Variants in WWOX observed in about 807,000 individuals in gnomAD.
WWOX encodes WW domain containing oxidoreductase, also known as WW domain-containing oxidoreductase.
Under a neutral mutation model 46.2 loss-of-function variants are expected in WWOX, and 69 were observed. The ratio of observed to expected loss-of-function variants is 1.49; its 90% CI spans 1.23 to 1.82. The LOEUF (loss-of-function observed/expected upper bound fraction) is 1.82, where lower values mean the gene tolerates loss of function less well. WWOX is among the 40% of genes most tolerant of loss of function. The pLI is 0.00. For missense variants in WWOX, 919 were observed against 542.6 expected (o/e 1.69, Z -6.89); for synonymous variants, 359 against 202.6 (o/e 1.77, Z -6.56).
intron 8 of WWOX, among the ~76,000 whole-genome samples, chr16:78,651,008 T>C (rs2046954152): frequency 6.6e-6 from 1 of 152,246 alleles, no homozygotes; most frequent in South Asian, 2.1e-4. Flanking sequence ...TGATAGAGAT[T>C]TGGCTTTTCT....
rs2049524599 is a variant in WWOX, at chr16:78,753,011, AGGGCT to A, written c.1056+320264_1056+320268del. Among the ~76,000 whole-genome samples, 2 of 152,112 alleles carry A rather than the reference AGGGCT, an allele frequency of 1.3e-5. 1 individual carries two copies. The highest frequency in any genetic ancestry group is 4.2e-4 in the South Asian group (2 of 4,816). ...GAGGCAGTGATTTCAGTAATCTCTT[AGGGCT>A]GGGCACGGTAGCTCACGCCTATAAT... is the stretch of plus-strand genomic sequence containing the variant. On this transcript the variant is annotated intron_variant, in intron 8 of 8. Transcript: ENST00000566780.
chr16:78,646,039 A>T (rs757769430), intron 8 of WWOX, among the ~76,000 whole-genome samples: 1 of 151,452 alleles, frequency 6.6e-6, no homozygotes, highest in Non-Finnish European at 1.5e-5. Flanking sequence ...GACCTTTTAG[A>T]TCCTTTGTGA....
chr16:78,857,150 C>T (rs1432269085), intron 8 of WWOX, among the ~76,000 whole-genome samples: 2 of 152,176 alleles, frequency 1.3e-5, no homozygotes, highest in Non-Finnish European at 2.9e-5. Flanking sequence ...ATTTATCTCA[C>T]ATATGCAAAG....
chr16:78,415,841 C>A (rs921636828), intron 6 of WWOX, among the ~76,000 whole-genome samples: 5 of 152,222 alleles, frequency 3.3e-5, no homozygotes, highest in East Asian at 1.9e-4. Flanking sequence ...ACCACCTTAA[C>A]TACTGAGGGG....
At chr16:78,514,108 C>G (rs952263900) in intron 8 of WWOX, among the ~76,000 whole-genome samples, 4 of 152,120 alleles carry the variant, frequency 2.6e-5, no homozygotes, top group African/African-American at 9.7e-5. Context: ...AAATACTGCT[C>G]AAGCATTTAG....
intron 8 of WWOX, among the ~76,000 whole-genome samples, chr16:78,723,002 G>C (rs2048731067): frequency 1.3e-5 from 2 of 152,034 alleles, no homozygotes; most frequent in African/African-American, 4.8e-5. Flanking sequence ...TGATCACACT[G>C]GAGCACTCCA....
intron 4 of WWOX, among the ~76,000 whole-genome samples, chr16:78,140,050 C>T (rs1246708288): frequency 6.6e-6 from 1 of 152,144 alleles, no homozygotes; most frequent in Non-Finnish European, 1.5e-5. Context: ...TCCCATGCTG[C>T]AGAGTCAGAG....
chr16:78,342,234 G>A (rs2081029232), intron 5 of WWOX, among the ~76,000 whole-genome samples: 1 of 121,582 alleles, frequency 8.2e-6, no homozygotes, highest in South Asian at 2.5e-4. Flanking sequence ...ATAAGTGTCA[G>A]CTGCTACGAC....
intron 8 of WWOX, among the ~76,000 whole-genome samples, chr16:78,576,889 A>G (rs540109444): frequency 6.6e-6 from 1 of 152,308 alleles, no homozygotes; most frequent in East Asian, 1.9e-4. Context: ...TCTAAGGCTA[A>G]CATTTCTTTG....
intron 8 of WWOX, among the ~76,000 whole-genome samples, chr16:78,547,156 A>C (rs1161783069): frequency 7.4e-6 from 1 of 134,528 alleles, no homozygotes; most frequent in Non-Finnish European, 1.6e-5. Flanking sequence ...AAAAAAAAAA[A>C]AAACAACTAC....
intron 5 of WWOX, among the ~76,000 whole-genome samples, chr16:78,332,050 T>A (rs1461335647): frequency 1.3e-5 from 2 of 152,142 alleles, no homozygotes; most frequent in African/African-American, 4.8e-5. Flanking sequence ...GGAGTCTGAT[T>A]ACTGTTTCTC....
chr16:78,722,035 T>C (rs1003695512), intron 8 of WWOX, among the ~76,000 whole-genome samples: 1 of 152,264 alleles, frequency 6.6e-6, no homozygotes, highest in Non-Finnish European at 1.5e-5. Flanking sequence ...GTATTTTGCA[T>C]ATTAATACTT....
chr16:79,171,580 C>T (rs893078361), intron 8 of WWOX, among the ~76,000 whole-genome samples: 1 of 152,256 alleles, frequency 6.6e-6, no homozygotes. Flanking sequence ...GTGCTGATTT[C>T]ACAGTGGGCT....
intron 8 of WWOX, among the ~76,000 whole-genome samples, chr16:78,771,475 A>C (rs370219856): frequency 6.6e-6 from 1 of 152,196 alleles, no homozygotes; most frequent in Non-Finnish European, 1.5e-5. Context: ...TGTATCCTTA[A>C]AAATGCTTAA....
chr16:79,142,657 A>T (rs1423083138), intron 8 of WWOX, among the ~76,000 whole-genome samples: 1 of 152,132 alleles, frequency 6.6e-6, no homozygotes, highest in East Asian at 1.9e-4. Context: ...CATTTTTTCA[A>T]CGTTAATAGA....
chr16:78,424,726 G>T, intron 6 of WWOX, 144 bp from the exon 7 acceptor site: 2 of 977,196 alleles, frequency 2.0e-6, no homozygotes, highest in Non-Finnish European at 3.2e-6. Context: ...AGAAGACGGA[G>T]AAAGAATTTC....
At chr16:78,302,962 A>C (rs192075539) in intron 5 of WWOX, among the ~76,000 whole-genome samples, 1 of 152,186 alleles carries the variant, frequency 6.6e-6, no homozygotes, top group African/African-American at 2.4e-5. Flanking sequence ...GGCTTAGAAC[A>C]TCATCAGACC....
At chr16:78,853,457 A>G (rs2052497114) in intron 8 of WWOX, among the ~76,000 whole-genome samples, 1 of 152,062 alleles carries the variant, frequency 6.6e-6, no homozygotes, top group African/African-American at 2.4e-5. Flanking sequence ...GGTTATCATT[A>G]TTTATTTAGT....
chr16:79,184,792 C>T (rs1241413510), intron 8 of WWOX, among the ~76,000 whole-genome samples: 1 of 152,190 alleles, frequency 6.6e-6, no homozygotes, highest in Non-Finnish European at 1.5e-5. Context: ...GTTGTTAATT[C>T]CTCCAGCTAA....
Sources: gnomAD v4.1 joint callset for allele counts (sites outside exome capture counted in the v4.1 genomes callset) on GRCh38, gnomAD v4.1.1 for gene constraint, MANE v1.5 for transcripts, NCBI Gene and HGNC (gene_info 2026-07-23, HGNC 2026-07-21) for gene names.